Variants in RBFOX1 observed in about 807,000 individuals in gnomAD.
RBFOX1 encodes RNA binding fox-1 homolog 1.
RBFOX1 carries 8 observed loss-of-function variants against 57.7 expected under a neutral mutation model. That is an observed-to-expected ratio of 0.14 (90% CI 0.08 to 0.25). The LOEUF is 0.25. RBFOX1 is among the 10% of genes least tolerant of loss of function. RBFOX1 has a pLI of 1.00. For synonymous variants in RBFOX1, 326 were observed against 222.4 expected, an observed-to-expected ratio of 1.47 and a Z score of -4.15; for missense variants, 611 against 548.5, an observed-to-expected ratio of 1.11 and a Z score of -1.14.
At chr16:7,200,502 C>T (rs1056645062) in intron 4 of RBFOX1, among the ~76,000 whole-genome samples, 16 of 152,284 alleles carry the variant, frequency 1.1e-4, no homozygotes, top group African/African-American at 3.1e-4. Flanking sequence ...GATGATGTTG[C>T]AATATACCCC....
chr16:5,579,835 C>G (rs2046601939), intron 2 of RBFOX1, among the ~76,000 whole-genome samples: 1 of 151,912 alleles, frequency 6.6e-6, no homozygotes, highest in South Asian at 2.1e-4. Flanking sequence ...TCTCAGCTCA[C>G]TGCAACCTCC....
rs368145191 is a variant in RBFOX1 at position 6,861,991 on chromosome 16, T to C, written c.-15-190066T>C. ...GGAGGCTTGAATCAAAGAAAAGCTG[T>C]GATACAGACTGTGGAGTGTGTAAGA... is the stretch of plus-strand genomic sequence containing the variant. On this transcript the variant is annotated intron_variant, in intron 3 of 15. Transcript: ENST00000550418. Among the ~76,000 whole-genome samples the C allele has an allele frequency of 7.2e-5, 11 of 152,132 alleles. 1 individual carries two copies. Among genetic ancestry groups the C allele is most frequent in the East Asian group, 1.9e-4 (1 of 5,158 alleles).
In RBFOX1 at chr16:7,198,526, T is replaced by C. The variant is rs1038827865; in HGVS notation, c.27+146428T>C. On this transcript the variant is annotated intron_variant, in intron 4 of 15. Transcript: ENST00000550418. ...TGTTTTGTGTTTTTGTAACAGAATA[T>C]CTAAGACTGGGTAACTTAAAAGCAA... is the stretch of plus-strand genomic sequence containing the variant. 2.6e-5 allele frequency among the ~76,000 whole-genome samples: 4 copies of C among 152,186 alleles called. No homozygotes were observed. In the South Asian group the frequency reaches 8.3e-4, roughly 31 times the overall value.
chr16:5,978,161 A>C (rs1186565182), intron 4 of RBFOX1, among the ~76,000 whole-genome samples: 1 of 114,926 alleles, frequency 8.7e-6, no homozygotes. Flanking sequence ...AAAAAAAAAA[A>C]GCAAGAGCCA....
chr16:6,813,600 C>G (rs1255881127), intron 3 of RBFOX1, among the ~76,000 whole-genome samples: 2 of 152,170 alleles, frequency 1.3e-5, no homozygotes, highest in Admixed American at 1.3e-4. Context: ...ACCTCTCTCT[C>G]CACAGGTGGC....
At chr16:5,684,243 C>T (rs916587633) in intron 3 of RBFOX1, among the ~76,000 whole-genome samples, 1 of 152,108 alleles carries the variant, frequency 6.6e-6, no homozygotes, top group African/African-American at 2.4e-5. Flanking sequence ...GGTATGCTCT[C>T]TTTGCAGAAC....
intron 2 of RBFOX1, among the ~76,000 whole-genome samples, chr16:5,527,277 T>G (rs1224795727): frequency 6.6e-6 from 1 of 152,180 alleles, no homozygotes; most frequent in Non-Finnish European, 1.5e-5. Context: ...ACCAACAGCT[T>G]GCCCACAAGG....
intron 2 of RBFOX1, among the ~76,000 whole-genome samples, chr16:6,563,456 C>A (rs1478246079): frequency 6.6e-6 from 1 of 152,000 alleles, no homozygotes; most frequent in African/African-American, 2.4e-5. Context: ...AGATGTAAGT[C>A]AAAAAATTTG....
rs555656485 is a variant in RBFOX1 at position 7,601,343 on chromosome 16, G to A, written c.622+3912G>A. Reference sequence around the variant, plus strand: ...GAGAAAGTGCTCAACACAATGCTAGGTATGCAAAGTGGCCTAAAAGATTAT... The same window carrying A: ...GAGAAAGTGCTCAACACAATGCTAGATATGCAAAGTGGCCTAAAAGATTAT... On this transcript the variant is annotated intron_variant, in intron 9 of 15. Coordinates refer to ENST00000550418, the MANE Select transcript of RBFOX1 (RefSeq NM_018723.4). 9.2e-5 allele frequency among the ~76,000 whole-genome samples: 14 copies of A among 152,254 alleles called. No homozygotes were observed. The South Asian group carries it at 2.9e-3, about 32-fold the overall frequency.
chr16:5,240,393 G>T (rs2062134704), intron 1 of RBFOX1, among the ~76,000 whole-genome samples: 1 of 152,178 alleles, frequency 6.6e-6, no homozygotes, highest in African/African-American at 2.4e-5. Context: ...GCGTCCTGGG[G>T]GCCCCCAGCA....
chr16:6,972,256 C>A (rs946079158), intron 3 of RBFOX1, among the ~76,000 whole-genome samples: 2 of 151,948 alleles, frequency 1.3e-5, no homozygotes, highest in African/African-American at 4.8e-5. Context: ...CCCCTTTCTC[C>A]CTCTCCCCAG....
intron 4 of RBFOX1, among the ~76,000 whole-genome samples, chr16:7,474,177 C>T (rs1340147676): frequency 1.3e-5 from 2 of 152,164 alleles, no homozygotes; most frequent in Non-Finnish European, 2.9e-5. Context: ...GTTCCAGCTA[C>T]TCAGGGGGCT....
chr16:6,204,054 A>G (rs2097236369), intron 1 of RBFOX1, among the ~76,000 whole-genome samples: 1 of 149,680 alleles, frequency 6.7e-6, no homozygotes, highest in South Asian at 2.1e-4. Flanking sequence ...TTCTTTCTAC[A>G]GTTATTTCTT....
intron 2 of RBFOX1, among the ~76,000 whole-genome samples, chr16:6,537,153 G>A (rs984511811): frequency 2.6e-5 from 4 of 151,956 alleles, no homozygotes; most frequent in Non-Finnish European, 5.9e-5. Flanking sequence ...ATCTTTCCAG[G>A]AATCTTCCTA....
At chr16:6,861,628 T>G (rs1412252506) in intron 3 of RBFOX1, among the ~76,000 whole-genome samples, 3 of 152,084 alleles carry the variant, frequency 2.0e-5, no homozygotes, top group Non-Finnish European at 4.4e-5. Context: ...ACATTGGGTC[T>G]TTATGTTGCA....
chr16:5,292,615 G>A (rs1334935837), intron 1 of RBFOX1, among the ~76,000 whole-genome samples: 2 of 149,960 alleles, frequency 1.3e-5, no homozygotes, highest in African/African-American at 4.9e-5. Context: ...CTAGTTTGGT[G>A]TTCATATCAG....
intron 1 of RBFOX1, among the ~76,000 whole-genome samples, chr16:5,454,880 TTCTTTCTTTC>T (rs2151576713): frequency 7.9e-6 from 1 of 126,730 alleles, no homozygotes; most frequent in South Asian, 2.7e-4. Flanking sequence ...CTTTCTTTCT[TTCTTTCTTTC>T]TTTCTTTCTT....
At chr16:5,670,731 C>T (rs986505562) in intron 3 of RBFOX1, among the ~76,000 whole-genome samples, 2 of 152,200 alleles carry the variant, frequency 1.3e-5, no homozygotes, top group Admixed American at 6.5e-5. Flanking sequence ...TATTGAGTCT[C>T]TCATATGTGC....
chr16:7,144,697 T>G (rs1433088586), intron 4 of RBFOX1, among the ~76,000 whole-genome samples: 8 of 152,058 alleles, frequency 5.3e-5, no homozygotes, highest in Non-Finnish European at 1.2e-4. Context: ...CAGAGCAGCT[T>G]CCCTCCGCTT....
Sources: allele counts gnomAD v4.1 joint callset (sites outside exome capture counted in the v4.1 genomes callset), GRCh38; gene constraint gnomAD v4.1.1; transcripts MANE v1.5; gene names NCBI Gene and HGNC (gene_info 2026-07-23, HGNC 2026-07-21).